SLC1A6: variants seen among roughly 807,000 people sequenced by gnomAD.
SLC1A6 encodes solute carrier family 1 member 6.
A neutral mutation model predicts 42.1 loss-of-function variants in SLC1A6; 15 were observed. The observed-to-expected ratio is 0.36, with a 90% confidence interval of 0.24 to 0.55. The LOEUF (loss-of-function observed/expected upper bound fraction) is 0.55. SLC1A6 is among the 20% of genes least tolerant of loss of function. The pLI is 0.88. For missense variants in SLC1A6, 542 were observed against 772.5 expected (o/e 0.70, Z 3.54); for synonymous variants, 317 against 319.7 (o/e 0.99, Z 0.09).
chr19:14,970,094 T>A (rs2045620080), intron 3 of SLC1A6, among the ~76,000 whole-genome samples: 2 of 152,142 alleles, frequency 1.3e-5, no homozygotes, highest in Admixed American at 1.3e-4. Flanking sequence ...ATTTTTTTAA[T>A]AGACAGGGTC....
At chr19:14,982,878 T>C (rs972251545), upstream of SLC1A6, among the ~76,000 whole-genome samples, 2 of 152,330 alleles carry the variant, frequency 1.3e-5, no homozygotes, top group South Asian at 2.1e-4. Context: ...ATAAACCTAC[T>C]ACATGTTAAC....
chr19:14,999,398 C>T (rs1451245900), intron 1 of SLC1A6, among the ~76,000 whole-genome samples: 6 of 152,168 alleles, frequency 3.9e-5, no homozygotes, highest in Admixed American at 3.9e-4. Flanking sequence ...TCAAGTTGTC[C>T]CGTCTTTCTG....
chr19:14,964,120 T>C lies in SLC1A6; in HGVS notation c.591+199A>G, dbSNP rs76518052. ...CTGGGATTACAAGCCTGATCCACCA[T>C]TCTCGGACCTAAGTGCTTCTCCCTA... is the stretch of plus-strand genomic sequence containing the variant. On this transcript the variant is annotated intron_variant, in intron 5 of 9. Transcript: ENST00000594383. 685 of 560,726 alleles carry C rather than the reference T, an allele frequency of 1.2e-3. 14 individuals carry two copies. In the East Asian group the frequency reaches 0.019, roughly 15 times the overall value. 34.7% of individuals were successfully genotyped at this position (560,726 alleles called of 1,614,324 possible).
chr19:15,010,026 A>C (rs1205600696), intron 1 of SLC1A6, among the ~76,000 whole-genome samples: 1 of 151,422 alleles, frequency 6.6e-6, no homozygotes, highest in African/African-American at 2.4e-5. Context: ...AAAAAAAAAA[A>C]ATGCAAAAAA....
rs751907532 is a variant in SLC1A6 at position 14,972,903 on chromosome 19, C to T, written c.8G>A (p.Ser3Asn). ...CCGCAGGAACAGGCTGTTGCCATGG[C>T]TGCTCATGGTCTATCTGCGGGAAAC... MS[S>N]HGNSLFLRES... Residue 3 changes from serine to asparagine, a missense_variant, in exon 2 of 10, where the codon AGC (serine) becomes AAC (asparagine). Transcript: ENST00000594383. The T allele has an allele frequency of 1.3e-6, 2 of 1,583,258 alleles. No homozygotes were observed. Among genetic ancestry groups the T allele is most frequent in the East Asian group, 2.3e-5 (1 of 43,752 alleles).
Position 14,971,921 on chromosome 19 carries a change from G to T in SLC1A6, c.206-47C>A, listed in dbSNP as rs370508685. On this transcript the variant is annotated intron_variant, in intron 2 of 9. Coordinates refer to ENST00000594383, the MANE Select transcript of SLC1A6 (RefSeq NM_005071.3). ...CATGGACTGAAGTCTGGGTCGCTCAGCCCCAGGCAGGGTCCATCCATCCCA... is the reference window on the plus strand; with the variant it reads ...CATGGACTGAAGTCTGGGTCGCTCATCCCCAGGCAGGGTCCATCCATCCCA... 6 of 1,604,538 alleles carry T rather than the reference G, an allele frequency of 3.7e-6. No homozygotes were observed. The African/African-American group carries it at 4.0e-5, about 11-fold the overall frequency.
chr19:14,961,687 G>A lies in SLC1A6; in HGVS notation c.935+315C>T, dbSNP rs2145178811. ...TGAGTGATTTCATCAATGCATAGAA[G>A]AATGAGTGAATGAACAGATGAACAA... On this transcript the variant is annotated intron_variant, in intron 6 of 9. Transcript: ENST00000594383. The A allele has an allele frequency of 1.6e-5, 5 of 303,308 alleles. No homozygotes were observed. In the South Asian group the frequency reaches 2.1e-4, roughly 13 times the overall value. 18.8% of individuals were successfully genotyped at this position (303,308 alleles called of 1,614,324 possible). A position where few individuals can be genotyped will look rare whatever the true frequency, so the allele number is the denominator to read the frequency against.
At chr19:14,981,291 TA>T (rs569430449), upstream of SLC1A6, among the ~76,000 whole-genome samples, 777 of 135,518 alleles carry the variant, frequency 5.7e-3, no homozygotes, top group East Asian at 0.024. Context: ...AGACCTTGTC[TA>T]AAAAAAAAAA....
chr19:14,994,547 G>T (rs1013554833), intron 1 of SLC1A6, among the ~76,000 whole-genome samples: 1 of 152,166 alleles, frequency 6.6e-6, no homozygotes, highest in African/African-American at 2.4e-5. Flanking sequence ...TTCTCCAGGG[G>T]TTAGAGAGAA....
chr19:14,991,951 G>A (rs1004866234), intron 1 of SLC1A6, among the ~76,000 whole-genome samples: 6 of 151,588 alleles, frequency 4.0e-5, no homozygotes, highest in Non-Finnish European at 7.4e-5. Flanking sequence ...TCAGCCTCCC[G>A]AGTAGCTGGG....
At chr19:14,967,618 G>A (rs2045588717) in intron 4 of SLC1A6, among the ~76,000 whole-genome samples, 1 of 152,202 alleles carries the variant, frequency 6.6e-6, no homozygotes, top group South Asian at 2.1e-4. Flanking sequence ...TTATAAGGAG[G>A]ATCTAAGACC....
chr19:14,974,672 T>G (rs1241605093), intron 1 of SLC1A6: 1 of 151,992 alleles, frequency 6.6e-6, no homozygotes. Flanking sequence ...CAGAACGAGA[T>G]AGAGGTGACA....
rs1464712111 is a variant in SLC1A6 at position 14,950,128 on chromosome 19, T to A, written c.*67A>T. 4 of 1,198,630 alleles carry A rather than the reference T, an allele frequency of 3.3e-6. No individual in the cohort carries two copies. The East Asian group carries it at 1.1e-4, about 32-fold the overall frequency. 74.2% of individuals were successfully genotyped at this position (1,198,630 alleles called of 1,614,324 possible). A position where few individuals can be genotyped will look rare whatever the true frequency, so the allele number is the denominator to read the frequency against. On this transcript the variant is annotated 3_prime_UTR_variant, in exon 10 of 10. Transcript: ENST00000594383. ...AGCCCACGGTCAGTTGGGCAACAGA[T>A]GTGTCACCAGGACTCCCCTCCCCAG...
intron 1 of SLC1A6, among the ~76,000 whole-genome samples, chr19:14,975,435 C>G (rs1005594615): frequency 1.3e-5 from 2 of 151,290 alleles, no homozygotes; most frequent in African/African-American, 4.9e-5. Flanking sequence ...TATTTTGTAT[C>G]AACTCAAAAT....
intron 6 of SLC1A6, 148 bp downstream of exon 6, chr19:14,961,854 T>C: frequency 8.7e-7 from 1 of 1,153,250 alleles, no homozygotes. Context: ...CAGAAAGACA[T>C]GAATGAATGA....
chr19:14,955,922 G>A (rs2045458382), intron 7 of SLC1A6, among the ~76,000 whole-genome samples: 1 of 151,822 alleles, frequency 6.6e-6, no homozygotes, highest in South Asian at 2.1e-4. Flanking sequence ...GTGACAGAGT[G>A]AGACTCTGTC....
upstream of SLC1A6, chr19:14,980,352 C>T (rs181924739): frequency 6.6e-6 from 1 of 152,326 alleles, no homozygotes; most frequent in African/African-American, 2.4e-5. Flanking sequence ...TAATATTATT[C>T]TTTGCTGTCT....
At chr19:14,956,105 A>AAGG (rs1337845171) in intron 7 of SLC1A6, among the ~76,000 whole-genome samples, 1 of 151,980 alleles carries the variant, frequency 6.6e-6, no homozygotes, top group Non-Finnish European at 1.5e-5. Context: ...GGGGAAGAAG[A>AAGG]AGGAGGAGGA....
chr19:14,993,651 G>A (rs1378687264), intron 1 of SLC1A6, among the ~76,000 whole-genome samples: 2 of 152,208 alleles, frequency 1.3e-5, no homozygotes, highest in African/African-American at 4.8e-5. Flanking sequence ...ACAAGAGTGA[G>A]TTTTAAAAGG....
Sources: gnomAD v4.1 joint callset for allele counts (sites outside exome capture counted in the v4.1 genomes callset) on GRCh38, gnomAD v4.1.1 for gene constraint, MANE v1.5 for transcripts, NCBI Gene and HGNC (gene_info 2026-07-23, HGNC 2026-07-21) for gene names.